RNF19B: variants seen among roughly 807,000 people sequenced by gnomAD.
RNF19B encodes E3 ubiquitin-protein ligase RNF19B.
RNF19B carries 23 observed loss-of-function variants against 65.5 expected under a neutral mutation model. The observed-to-expected ratio is 0.35, with a 90% CI of 0.25 to 0.50. The LOEUF (loss-of-function observed/expected upper bound fraction) is 0.50, where lower values mean the gene tolerates loss of function less well. RNF19B is among the 20% of genes least tolerant of loss of function. The pLI is 0.98. For synonymous variants in RNF19B, 372 were observed against 379.6 expected (o/e 0.98, Z 0.23); for missense variants, 794 against 980.0 (o/e 0.81, Z 2.53).
At chr1:32,945,710 C>A in intron 4 of RNF19B, 82 bp from the exon 5 acceptor site, 1 of 751,072 alleles carries the variant, frequency 1.3e-6, no homozygotes, top group South Asian at 1.6e-5. Context: ...GGTGAATATT[C>A]ACTTGTAAGT....
intron 1 of RNF19B, among the ~76,000 whole-genome samples, chr1:32,953,146 T>A (rs1042482006): frequency 4.6e-5 from 7 of 151,796 alleles, no homozygotes; most frequent in Middle Eastern, 3.4e-3. Context: ...TTTTATTTTT[T>A]TTTTGTAGAG....
intron 2 of RNF19B, among the ~76,000 whole-genome samples, chr1:32,949,160 A>C (rs1460743885): frequency 6.6e-6 from 1 of 152,206 alleles, no homozygotes; most frequent in Admixed American, 6.5e-5. Context: ...CCTTTTCTTC[A>C]ATCTGTACTC....
At chr1:32,957,618 G>T (rs766513625) in intron 1 of RNF19B, among the ~76,000 whole-genome samples, 98 of 152,160 alleles carry the variant, frequency 6.4e-4, no homozygotes, top group Non-Finnish European at 8.4e-4. Flanking sequence ...TGGCTCGCTT[G>T]AAGTCAGGAA....
chr1:32,943,223 A>G (rs1642281540), intron 6 of RNF19B, among the ~76,000 whole-genome samples: 1 of 152,076 alleles, frequency 6.6e-6, no homozygotes. Context: ...GTTACTTACT[A>G]CGAGTAGAAA....
intron 1 of RNF19B, among the ~76,000 whole-genome samples, chr1:32,959,212 G>A (rs760956557): frequency 4.6e-5 from 7 of 152,186 alleles, no homozygotes; most frequent in Non-Finnish European, 1.0e-4. Context: ...GAAGGATTCT[G>A]CAGAGGACAG....
intron 1 of RNF19B, among the ~76,000 whole-genome samples, chr1:32,957,311 G>T (rs1206909905): frequency 6.6e-6 from 1 of 152,090 alleles, no homozygotes; most frequent in African/African-American, 2.4e-5. Flanking sequence ...GCTCCTCTGT[G>T]AAGTCTTTCT....
At chr1:32,945,880 A>T (rs900095364) in intron 4 of RNF19B, among the ~76,000 whole-genome samples, 1 of 147,998 alleles carries the variant, frequency 6.8e-6, no homozygotes, top group African/African-American at 2.5e-5. Flanking sequence ...TTCTTCTTTT[A>T]TTTTTTTTTT....
chr1:32,945,343 T>G (rs554855194), intron 5 of RNF19B, among the ~76,000 whole-genome samples, 171 bp downstream of exon 5: 1 of 152,184 alleles, frequency 6.6e-6, no homozygotes, highest in Non-Finnish European at 1.5e-5. Flanking sequence ...CTCTGATAAT[T>G]TGGTGTGCTT....
intron 7 of RNF19B, among the ~76,000 whole-genome samples, chr1:32,939,996 G>C (rs1020215338): frequency 6.6e-6 from 1 of 152,222 alleles, no homozygotes; most frequent in Non-Finnish European, 1.5e-5. Flanking sequence ...CGGGTCAGTA[G>C]CAGCCTGCAG....
chr1:32,957,604 C>T (rs911923575), intron 1 of RNF19B, among the ~76,000 whole-genome samples: 2 of 152,056 alleles, frequency 1.3e-5, no homozygotes, highest in African/African-American at 2.4e-5. Flanking sequence ...GAGGGTGAGG[C>T]GGGTGGCTCG....
At chr1:32,950,843 CTT>C (rs35369089) in intron 1 of RNF19B, among the ~76,000 whole-genome samples, 68 of 135,424 alleles carry the variant, frequency 5.0e-4, no homozygotes, top group East Asian at 1.1e-3. Context: ...CCTTTTCATT[CTT>C]TTTTTTTTTT....
intron 1 of RNF19B, among the ~76,000 whole-genome samples, chr1:32,951,768 G>A (rs1370071509): frequency 6.6e-6 from 1 of 151,450 alleles, no homozygotes; most frequent in Non-Finnish European, 1.5e-5. Flanking sequence ...TAGCATTAAG[G>A]CCATACCTCC....
Position 32,964,383 on chromosome 1 carries a change from G to T in RNF19B, c.303C>A (p.Phe101Leu), listed in dbSNP as rs1350863148. The T allele has an allele frequency of 2.2e-6, 3 of 1,355,708 alleles. No individual in the cohort carries two copies. Among genetic ancestry groups the T allele is most frequent in the Non-Finnish European group, 2.8e-6 (3 of 1,054,218 alleles). 84.0% of individuals were successfully genotyped at this position (1,355,708 alleles called of 1,614,324 possible). ...EAAAAAAEPGFDDEEAAEGGG... is the reference protein window; with the variant it reads ...EAAAAAAEPGLDDEEAAEGGG... ...CGCCCTCCGCCGCCTCCTCATCGTC[G>T]AACCCAGGCTCCGCCGCCGCCGCCG... is the stretch of plus-strand genomic sequence containing the variant. The change falls in exon 1 of 9, where the codon TTC (phenylalanine) becomes TTA (leucine). Residue 101 changes from phenylalanine (F) to leucine (L), a missense_variant. By Grantham distance (22) the Phe-to-Leu change is conservative. Around this residue, in one of 3 missense-constraint regions of RNF19B, gnomAD observed 374 missense variants for 423.8 expected, o/e 0.88. Transcript: ENST00000235150. This position sits in a 1 kb window ranked among gnomAD's most constrained non-coding sequence, Gnocchi z 6.5.
intron 1 of RNF19B, among the ~76,000 whole-genome samples, chr1:32,957,251 C>CGGA (rs1310822642): frequency 6.6e-6 from 1 of 152,110 alleles, no homozygotes; most frequent in East Asian, 1.9e-4. Context: ...CTAATCCTCC[C>CGGA]ACCTCAGCCT....
chr1:32,934,240 A>G (rs549162001), downstream of RNF19B, among the ~76,000 whole-genome samples: 15 of 152,322 alleles, frequency 9.8e-5, no homozygotes, highest in South Asian at 8.3e-4. Context: ...TGCCATCCTC[A>G]TTGTAGTAAA....
chr1:32,947,268 A>C (rs1642387207), intron 3 of RNF19B, among the ~76,000 whole-genome samples: 1 of 152,232 alleles, frequency 6.6e-6, no homozygotes. Context: ...CATTTACACA[A>C]TGAATGTTTG....
Position 32,945,771 on chromosome 1 carries a change from T to C in RNF19B, c.1147-143A>G. 5.6e-6 allele frequency: 3 copies of C among 538,526 alleles called. No individual in the cohort carries two copies. The South Asian group carries it at 8.1e-5, about 14-fold the overall frequency. 33.4% of individuals were successfully genotyped at this position (538,526 alleles called of 1,614,324 possible). A position where few individuals can be genotyped will look rare whatever the true frequency, so the allele number is the denominator to read the frequency against. ...CCCCAAATAGGCATCTTTATCAAAT[T>C]TTAACCTAACTCAGACCTGGAAGAT... On this transcript the variant is annotated intron_variant, in intron 4 of 8. Coordinates refer to ENST00000235150, the MANE Select transcript of RNF19B (RefSeq NM_001300826.2).
At chr1:32,963,949 G>C (rs1007043307) in intron 1 of RNF19B, 102 bp downstream of exon 1, 2 of 1,349,848 alleles carry the variant, frequency 1.5e-6, no homozygotes, top group South Asian at 3.6e-5. Context: ...CTGCCGCCTT[G>C]CGGGTTTCCC....
Position 32,964,436 on chromosome 1 carries a change from G to T in RNF19B, c.250C>A (p.Pro84Thr). Residue 84 changes from proline to threonine, a missense_variant, in exon 1 of 9, where the codon CCG becomes ACG. Transcript: ENST00000235150. The surrounding 1 kb of genome is among the most constrained non-coding windows in gnomAD (Gnocchi z 6.5). Reference protein sequence around the residue: ...GPPPEALPAEPAAEAEAEAAA... With the variant: ...GPPPEALPAETAAEAEAEAAA... ...GCCTCCGCCTCGGCCTCGGCGGCCG[G>T]CTCGGCGGGCAGCGCCTCGGGCGGC... 1 of 1,143,584 alleles carries T rather than the reference G, an allele frequency of 8.7e-7. No homozygotes were observed. The highest frequency in any genetic ancestry group is 1.1e-6 in the Non-Finnish European group (1 of 933,402). 70.8% of individuals were successfully genotyped at this position (1,143,584 alleles called of 1,614,324 possible).
Sources: allele counts gnomAD v4.1 joint callset (sites outside exome capture counted in the v4.1 genomes callset), GRCh38; gene constraint gnomAD v4.1.1; regional missense constraint gnomAD v4.1.1; non-coding constraint Gnocchi (gnomAD v3.1); transcripts MANE v1.5; gene names NCBI Gene and HGNC (gene_info 2026-07-23, HGNC 2026-07-21).